PTPN9: variants seen among roughly 807,000 people sequenced by gnomAD.
PTPN9 encodes protein tyrosine phosphatase non-receptor type 9, also known as tyrosine-protein phosphatase non-receptor type 9.
In PTPN9, 26 loss-of-function variants were observed where a neutral mutation model predicts 69.8. That is an observed-to-expected ratio of 0.37 (90% CI 0.27 to 0.52). PTPN9 has a LOEUF of 0.52. PTPN9 is among the 20% of genes least tolerant of loss of function. The probability of loss-of-function intolerance (pLI) is 0.91; values close to 1 mark genes in which losing one functional copy is unlikely to be tolerated. For missense variants in PTPN9, 549 were observed against 740.3 expected, an observed-to-expected ratio of 0.74 and a Z score of 3.00; for synonymous variants, 274 against 272.5, an observed-to-expected ratio of 1.01 and a Z score of -0.05.
At chr15:75,510,410 G>A (rs540536076) in intron 5 of PTPN9, among the ~76,000 whole-genome samples, 4 of 152,180 alleles carry the variant, frequency 2.6e-5, no homozygotes, top group African/African-American at 9.6e-5. Context: ...GCTAATTTTT[G>A]TATTTTTAGT....
chr15:75,543,025 G>A (rs1480723577), intron 1 of PTPN9, among the ~76,000 whole-genome samples: 1 of 122,278 alleles, frequency 8.2e-6, no homozygotes, highest in Non-Finnish European at 1.6e-5. Context: ...ACAGTCCCCG[G>A]TGTGTAATGT....
At position 75,530,709 on chromosome 15, in the gene PTPN9, TA is replaced by T. The variant is rs1241101508; in HGVS notation, c.64-3449del. ...ATATTATAATATATATAATATATATTATTATATAATATATATAATATATATT... is the reference window on the plus strand; with the variant it reads ...ATATTATAATATATATAATATATATTTTATATAATATATATAATATATATT... On this transcript the variant is annotated intron_variant, in intron 1 of 12. Transcript: ENST00000618819. Among the ~76,000 whole-genome samples the T allele has an allele frequency of 8.4e-3, 247 of 29,428 alleles. 56 individuals are homozygous for T. Among genetic ancestry groups the T allele is most frequent in the African/African-American group, 0.056 (229 of 4,062 alleles). The allele number at this position is 29,428 out of a possible 152,430, so 19.3% of individuals were successfully genotyped here.
intron 1 of PTPN9, among the ~76,000 whole-genome samples, chr15:75,540,943 G>A (rs2075005742): frequency 6.6e-6 from 1 of 151,802 alleles, no homozygotes; most frequent in Non-Finnish European, 1.5e-5. Flanking sequence ...GCCAGGTGTG[G>A]TGGTGCACAC....
At chr15:75,500,149 AC>A (rs2074764768) in intron 7 of PTPN9, among the ~76,000 whole-genome samples, 1 of 151,998 alleles carries the variant, frequency 6.6e-6, no homozygotes, top group South Asian at 2.1e-4. Context: ...CCCCATCTCT[AC>A]TAAAAATACA....
In PTPN9 at chr15:75,464,291, G is replaced by C. The variant is rs1334655350; in HGVS notation, c.*4478C>G. ...GAGATCCTGTCTCTAGAGAGAGAGAGAGAAAAAAAAAAAAAGCTGGGTTCC... is the reference window on the plus strand; with the variant it reads ...GAGATCCTGTCTCTAGAGAGAGAGACAGAAAAAAAAAAAAAGCTGGGTTCC... On this transcript the variant is annotated 3_prime_UTR_variant, in exon 13 of 13. Coordinates refer to ENST00000618819, the MANE Select transcript of PTPN9 (RefSeq NM_002833.4). The C allele has an allele frequency of 6.7e-6, 1 of 149,098 alleles. No homozygotes were observed. Among genetic ancestry groups the C allele is most frequent in the Non-Finnish European group, 1.5e-5 (1 of 67,494 alleles). 9.2% of individuals were successfully genotyped at this position (149,098 alleles called of 1,614,324 possible).
At chr15:75,496,584 C>G (rs533816100) in intron 7 of PTPN9, among the ~76,000 whole-genome samples, 1 of 150,698 alleles carries the variant, frequency 6.6e-6, no homozygotes, top group Non-Finnish European at 1.5e-5. Context: ...GCAGCCTCAA[C>G]GTCCCAGGCT....
chr15:75,519,397 G>C (rs1164205334), intron 4 of PTPN9, among the ~76,000 whole-genome samples: 1 of 151,774 alleles, frequency 6.6e-6, no homozygotes, highest in African/African-American at 2.4e-5. Context: ...GAGCCACTAT[G>C]CCCAGCCTCA....
chr15:75,528,099 C>T (rs765001502), intron 1 of PTPN9, among the ~76,000 whole-genome samples: 5 of 152,176 alleles, frequency 3.3e-5, no homozygotes, highest in African/African-American at 9.7e-5. Flanking sequence ...ACTGACCCCA[C>T]TGGACCTCTT....
At chr15:75,540,076 A>G (rs889541177) in intron 1 of PTPN9, among the ~76,000 whole-genome samples, 2 of 152,222 alleles carry the variant, frequency 1.3e-5, no homozygotes, top group African/African-American at 4.8e-5. Context: ...AGGTATCATT[A>G]AAAAATTTAA....
chr15:75,522,992 T>A (rs1003425141), intron 4 of PTPN9, 129 bp downstream of exon 4: 1 of 1,117,240 alleles, frequency 9.0e-7, no homozygotes, highest in African/African-American at 1.6e-5. Context: ...ATGGATTGTT[T>A]TCTATTCATA....
At chr15:75,555,497 TTTA>T (rs554256856) in intron 1 of PTPN9, among the ~76,000 whole-genome samples, 61 of 151,532 alleles carry the variant, frequency 4.0e-4, no homozygotes, top group African/African-American at 8.7e-4. Context: ...TACTTTTCAT[TTTA>T]TTATTATTAT....
At chr15:75,513,333 T>C (rs1567495287) in intron 5 of PTPN9, 3 of 456,098 alleles carry the variant, frequency 6.6e-6, no homozygotes, top group Non-Finnish European at 1.3e-5. Context: ...GAAAGTAGTT[T>C]ATCACACTTC....
intron 1 of PTPN9, among the ~76,000 whole-genome samples, chr15:75,548,872 C>G (rs2075045385): frequency 6.6e-6 from 1 of 151,970 alleles, no homozygotes; most frequent in African/African-American, 2.4e-5. Flanking sequence ...CCAGAATGGT[C>G]TCGATCTCCT....
At chr15:75,566,038 C>G (rs1378902892) in intron 1 of PTPN9, among the ~76,000 whole-genome samples, 1 of 151,978 alleles carries the variant, frequency 6.6e-6, no homozygotes, top group African/African-American at 2.4e-5. Flanking sequence ...TCCTGTATCA[C>G]AGAGATCAAG....
At chr15:75,522,799 G>A (rs909388071) in intron 4 of PTPN9, among the ~76,000 whole-genome samples, 2 of 152,118 alleles carry the variant, frequency 1.3e-5, no homozygotes, top group Admixed American at 6.6e-5. Context: ...GTTCTGATAT[G>A]AGCAAAAAGA....
intron 1 of PTPN9, among the ~76,000 whole-genome samples, chr15:75,570,614 T>C (rs1252814066): frequency 1.3e-5 from 2 of 151,148 alleles, no homozygotes; most frequent in African/African-American, 4.9e-5. Flanking sequence ...ACAAAAAATA[T>C]AACAAATTAG....
chr15:75,488,619 G>C (rs12903362), intron 8 of PTPN9, among the ~76,000 whole-genome samples: 91,130 of 151,476 alleles, frequency 0.6, 28,665 homozygotes, highest in African/African-American at 0.8. Context: ...GAGACCCTAG[G>C]TCTACAAAAA....
chr15:75,480,461 T>G (rs1289815394), intron 8 of PTPN9, among the ~76,000 whole-genome samples: 1 of 151,644 alleles, frequency 6.6e-6, no homozygotes. Context: ...AAAAGGTCTC[T>G]TCCGTGAGGA....
chr15:75,521,609 G>A (rs1384868602), intron 4 of PTPN9, among the ~76,000 whole-genome samples: 2 of 152,044 alleles, frequency 1.3e-5, no homozygotes, highest in Admixed American at 6.6e-5. Flanking sequence ...ATTTTGGGAG[G>A]CCGAGATGGG....
Sources: allele counts gnomAD v4.1 joint callset (sites outside exome capture counted in the v4.1 genomes callset), GRCh38; gene constraint gnomAD v4.1.1; transcripts MANE v1.5; gene names NCBI Gene and HGNC (gene_info 2026-07-23, HGNC 2026-07-21).